MYPN: variants seen among roughly 807,000 people sequenced by gnomAD.
The protein encoded by MYPN is myopalladin, also known as sarcomeric protein myopalladin, 145 kDa (MYOP).
MYPN carries 63 observed loss-of-function variants against 129.4 expected under a neutral mutation model. The ratio of observed to expected loss-of-function variants is 0.49; its 90% CI spans 0.40 to 0.60. The LOEUF is 0.60. Ranked by LOEUF, MYPN falls within the 20% of genes least tolerant of loss-of-function variation. MYPN has a pLI of 0.00. For missense variants in MYPN, 1,596 were observed against 1,635.4 expected (o/e 0.98, Z 0.42); for synonymous variants, 629 against 600.9 (o/e 1.05, Z -0.68).
rs1017559709 is a variant in MYPN, at chr10:68,158,680, G to A, written c.1459+53G>A. 2.3e-4 allele frequency: 295 copies of A among 1,273,378 alleles called. 1 individual carries two copies. Among genetic ancestry groups the A allele is most frequent in the Admixed American group, 7.6e-4 (39 of 51,554 alleles). The allele number at this position is 1,273,378 out of a possible 1,614,324, so 78.9% of individuals were successfully genotyped here. A position where few individuals can be genotyped will look rare whatever the true frequency, so the allele number is the denominator to read the frequency against. ...GATATTTTGTTTTTATGAACTTATTGTACACACTTATTTTTATAACTTTTT... is the reference window on the plus strand; with the variant it reads ...GATATTTTGTTTTTATGAACTTATTATACACACTTATTTTTATAACTTTTT... On this transcript the variant is annotated intron_variant, in intron 7 of 19. Coordinates refer to ENST00000358913, the MANE Select transcript of MYPN (RefSeq NM_032578.4).
At chr10:68,104,714 C>A (rs529009746), upstream of MYPN, among the ~76,000 whole-genome samples, 2 of 152,112 alleles carry the variant, frequency 1.3e-5, no homozygotes, top group African/African-American at 2.4e-5. Context: ...AGAAAAATTA[C>A]AAACTTAAAC....
At chr10:68,112,364 A>G (rs1167700698) in intron 1 of MYPN, among the ~76,000 whole-genome samples, 2 of 152,210 alleles carry the variant, frequency 1.3e-5, no homozygotes, top group Non-Finnish European at 2.9e-5. Flanking sequence ...ACAAAAACAT[A>G]CATAATACGC....
chr10:68,149,973 G>T, intron 5 of MYPN, 67 bp from the exon 6 acceptor site: 1 of 1,414,060 alleles, frequency 7.1e-7, no homozygotes, highest in Non-Finnish European at 1.0e-6. Flanking sequence ...CTATAGGTTT[G>T]TTATGTCTCA....
chr10:68,108,131 T>C (rs2042034983), upstream of MYPN, among the ~76,000 whole-genome samples: 1 of 152,264 alleles, frequency 6.6e-6, no homozygotes, highest in Admixed American at 6.5e-5. Flanking sequence ...TCTGGGTTAC[T>C]GTGGTAATGA....
At chr10:68,181,286 C>T (rs2043309244) in intron 12 of MYPN, among the ~76,000 whole-genome samples, 1 of 151,966 alleles carries the variant, frequency 6.6e-6, no homozygotes, top group Non-Finnish European at 1.5e-5. Context: ...AATACCTTTA[C>T]ATTTAATTTT....
chr10:68,114,863 C>T (rs116634582), intron 1 of MYPN, among the ~76,000 whole-genome samples: 1 of 152,112 alleles, frequency 6.6e-6, no homozygotes, highest in African/African-American at 2.4e-5. Context: ...TTCATCAATG[C>T]CATGATCTGT....
rs772175207 is a variant in MYPN at position 68,199,404 on chromosome 10, C to T, written c.3322C>T (p.Leu1108Phe). 1.9e-6 allele frequency: 3 copies of T among 1,614,120 alleles called. No homozygotes were observed. In the South Asian group the frequency reaches 3.3e-5, roughly 18 times the overall value. ...ACCGCCCCCGGAGCTGACATGGCTACTCAATGGCCAACCTGTGCTACCAGA... is the reference window on the plus strand; with the variant it reads ...ACCGCCCCCGGAGCTGACATGGCTATTCAATGGCCAACCTGTGCTACCAGA... ...GLPPPELTWL[L>F]NGQPVLPDAS... Residue 1108 changes from leucine to phenylalanine, a missense_variant, in exon 17 of 20, where the codon CTC becomes TTC. By Grantham distance (22) the Leu-to-Phe change is conservative. Coordinates refer to ENST00000358913, the MANE Select transcript of MYPN (RefSeq NM_032578.4).
upstream of MYPN, chr10:68,106,890 A>G (rs975581592): frequency 2.9e-6 from 2 of 697,238 alleles, no homozygotes; most frequent in Non-Finnish European, 5.3e-6. Flanking sequence ...CAAGAAACAC[A>G]TGTGTTGGAT....
At position 68,201,975 on chromosome 10, in the gene MYPN, T is replaced by A. The variant is rs949081277; in HGVS notation, c.3640T>A (p.Cys1214Ser). Residue 1214 changes from cysteine to serine, a missense_variant, in exon 18 of 20, where the codon TGC becomes AGC. Cys to Ser is a moderately radical substitution (Grantham distance 112). Transcript: ENST00000358913. Reference sequence around the variant, plus strand: ...GAAGAAAGACAATGAGACCATCCCTTGCACCAGAGAGAGGATCAGGTACAG... The same window carrying A: ...GAAGAAAGACAATGAGACCATCCCTAGCACCAGAGAGAGGATCAGGTACAG... ...YWKKDNETIPCTRERISMHQD... is the reference protein window; with the variant it reads ...YWKKDNETIPSTRERISMHQD... The A allele has an allele frequency of 1.2e-6, 2 of 1,613,860 alleles. No individual in the cohort carries two copies. The highest frequency in any genetic ancestry group is 1.7e-6 in the Non-Finnish European group (2 of 1,179,956).
At chr10:68,179,029 C>A (rs552833395) in intron 12 of MYPN, among the ~76,000 whole-genome samples, 29 of 151,952 alleles carry the variant, frequency 1.9e-4, no homozygotes, top group African/African-American at 6.5e-4. Flanking sequence ...CAGATACTGC[C>A]CTACGTGACA....
intron 15 of MYPN, among the ~76,000 whole-genome samples, chr10:68,196,673 C>T (rs1452732122): frequency 2.6e-5 from 4 of 151,630 alleles, no homozygotes; most frequent in East Asian, 1.9e-4. Context: ...TTTGTAAAGA[C>T]GGGGTTTCAC....
At chr10:68,139,438 C>G (rs568989820) in intron 2 of MYPN, among the ~76,000 whole-genome samples, 1 of 152,302 alleles carries the variant, frequency 6.6e-6, no homozygotes, top group South Asian at 2.1e-4. Flanking sequence ...ATTGTCTCCC[C>G]TTCCATTCTT....
At chr10:68,137,050 T>C (rs907584376) in intron 2 of MYPN, among the ~76,000 whole-genome samples, 2 of 152,168 alleles carry the variant, frequency 1.3e-5, no homozygotes, top group Non-Finnish European at 2.9e-5. Context: ...TTAATCATAT[T>C]AGAATTTAAA....
intron 1 of MYPN, among the ~76,000 whole-genome samples, chr10:68,113,229 G>C (rs2042105326): frequency 6.6e-6 from 1 of 152,180 alleles, no homozygotes; most frequent in African/African-American, 2.4e-5. Context: ...CCCTGTTTTA[G>C]ATGAGTTACT....
intron 13 of MYPN, among the ~76,000 whole-genome samples, chr10:68,189,912 G>C (rs936681054): frequency 6.6e-6 from 1 of 152,112 alleles, no homozygotes; most frequent in Non-Finnish European, 1.5e-5. Flanking sequence ...TCATATGGTA[G>C]TTCTATTTTT....
chr10:68,153,801 G>A (rs538069997), intron 6 of MYPN, among the ~76,000 whole-genome samples: 1 of 152,150 alleles, frequency 6.6e-6, no homozygotes, highest in Non-Finnish European at 1.5e-5. Context: ...ATTTGCATAT[G>A]TTTGTTTGGC....
chr10:68,172,331 G>C (rs890712984), intron 10 of MYPN, among the ~76,000 whole-genome samples: 1 of 152,062 alleles, frequency 6.6e-6, no homozygotes, highest in Non-Finnish European at 1.5e-5. Flanking sequence ...CTCCAGCCTA[G>C]GTGACAGAGT....
At chr10:68,106,778 G>A, upstream of MYPN, 1 of 717,306 alleles carries the variant, frequency 1.4e-6, no homozygotes, top group Non-Finnish European at 2.6e-6. Flanking sequence ...CAGATTCCTT[G>A]GCATTCCTGT....
intron 2 of MYPN, chr10:68,135,528 T>C (rs1450629764): frequency 1.0e-6 from 1 of 982,224 alleles, no homozygotes; most frequent in Non-Finnish European, 1.2e-6. Context: ...TAAGCAAATG[T>C]ACTACTTTTT....
Sources: gnomAD v4.1 joint callset for allele counts (sites outside exome capture counted in the v4.1 genomes callset) on GRCh38, gnomAD v4.1.1 for gene constraint, MANE v1.5 for transcripts, NCBI Gene and HGNC (gene_info 2026-07-23, HGNC 2026-07-21) for gene names.